FNDC1: variants seen among roughly 807,000 people sequenced by gnomAD.
The protein encoded by FNDC1 is fibronectin type III domain containing 1.
Under a neutral mutation model 168.0 loss-of-function variants are expected in FNDC1, and 96 were observed. The ratio of observed to expected loss-of-function variants is 0.57; its 90% CI spans 0.48 to 0.68. The LOEUF (loss-of-function observed/expected upper bound fraction) is 0.68. Ranked by LOEUF, FNDC1 falls within the 30% of genes least tolerant of loss-of-function variation. The probability of loss-of-function intolerance (pLI) is 0.00; values close to 1 mark genes in which losing one functional copy is unlikely to be tolerated. For synonymous variants in FNDC1, 1,099 were observed against 1,025.9 expected, an observed-to-expected ratio of 1.07 and a Z score of -1.36; for missense variants, 2,587 against 2,482.1, an observed-to-expected ratio of 1.04 and a Z score of -0.90.
chr6:159,181,252 G>A (rs1424607464), intron 1 of FNDC1, among the ~76,000 whole-genome samples: 3 of 152,112 alleles, frequency 2.0e-5, no homozygotes, highest in Non-Finnish European at 4.4e-5. Context: ...CTTTTCAGTA[G>A]GCAAAAGAGT....
chr6:159,217,111 A>G (rs1011765389), intron 5 of FNDC1, among the ~76,000 whole-genome samples: 1 of 152,224 alleles, frequency 6.6e-6, no homozygotes, highest in Non-Finnish European at 1.5e-5. Flanking sequence ...GCACCTACTT[A>G]GTCTTAAAAG....
rs367899713 is a variant in FNDC1, at chr6:159,232,329, C to A, written c.1817C>A (p.Thr606Lys). Reference protein sequence around the residue: ...GVDKPGFSLATQPRPGAPPSA... With the variant: ...GVDKPGFSLAKQPRPGAPPSA... ...GATAAGCCTGGCTTTTCCCTGGCCA[C>A]GCAGCCCCGCCCAGGGGCGCCCCCC... is the stretch of plus-strand genomic sequence containing the variant. Residue 606 changes from threonine (T) to lysine (K), a missense_variant, in exon 11 of 23, where the codon ACG becomes AAG. Transcript: ENST00000297267. The surrounding 1 kb of genome is among the most constrained non-coding windows in gnomAD (Gnocchi z 4.9). 6.2e-7 allele frequency: 1 copy of A among 1,613,270 alleles called. No individual in the cohort carries two copies. The highest frequency in any genetic ancestry group is 8.5e-7 in the Non-Finnish European group (1 of 1,179,652).
rs73799338 is a variant in FNDC1, at chr6:159,221,450, G to A, written c.668-148G>A. 7.7e-3 allele frequency: 4,961 copies of A among 640,714 alleles called. 213 individuals are homozygous for A. The African/African-American group carries it at 0.083, about 11-fold the overall frequency. 39.7% of individuals were successfully genotyped at this position (640,714 alleles called of 1,614,324 possible). A position where few individuals can be genotyped will look rare whatever the true frequency, so the allele number is the denominator to read the frequency against. ...GCAGTTCTTGGGCTCGCCCTTCATAGTCCTCAAGAAGTGGGAATACCCCCA... is the reference window on the plus strand; with the variant it reads ...GCAGTTCTTGGGCTCGCCCTTCATAATCCTCAAGAAGTGGGAATACCCCCA... On this transcript the variant is annotated intron_variant, in intron 5 of 22. Transcript: ENST00000297267.
chr6:159,256,112 A>G (rs1302229141), intron 17 of FNDC1, among the ~76,000 whole-genome samples: 3 of 152,188 alleles, frequency 2.0e-5, no homozygotes, highest in Non-Finnish European at 4.4e-5. Flanking sequence ...GCATCCACCA[A>G]CAACATTCTT....
chr6:159,233,513 G>A lies in FNDC1; in HGVS notation c.3001G>A (p.Ala1001Thr). ...TCCCAGAAGGATGACACCCGGCCGGGCCCCACAACAGCAGCCCCCTCCTCC... is the reference window on the plus strand; with the variant it reads ...TCCCAGAAGGATGACACCCGGCCGGACCCCACAACAGCAGCCCCCTCCTCC... ...SVPRRMTPGR[A>T]PQQQPPPPVA... The change falls in exon 11 of 23, where the codon GCC becomes ACC. Residue 1001 changes from alanine to threonine, a missense_variant. Transcript: ENST00000297267. The surrounding 1 kb of genome is among the most constrained non-coding windows in gnomAD (Gnocchi z 4.6). The A allele has an allele frequency of 6.2e-7, 1 of 1,602,326 alleles. No homozygotes were observed. Among genetic ancestry groups the A allele is most frequent in the Non-Finnish European group, 8.5e-7 (1 of 1,177,678 alleles).
chr6:159,194,239 G>T (rs1206279842), intron 1 of FNDC1, among the ~76,000 whole-genome samples: 1 of 152,174 alleles, frequency 6.6e-6, no homozygotes, highest in African/African-American at 2.4e-5. Flanking sequence ...AAAGCGTCTT[G>T]TCATGGCCCT....
intron 4 of FNDC1, among the ~76,000 whole-genome samples, chr6:159,205,926 C>A (rs1782477933): frequency 6.6e-6 from 1 of 152,086 alleles, no homozygotes; most frequent in African/African-American, 2.4e-5. Flanking sequence ...TAAAACACAC[C>A]AAAGGTACAC....
At chr6:159,226,111 T>C (rs1321051052) in intron 8 of FNDC1, among the ~76,000 whole-genome samples, 2 of 152,224 alleles carry the variant, frequency 1.3e-5, no homozygotes. Context: ...GGGAAAAATT[T>C]TGGTCTGTAT....
chr6:159,195,929 G>C (rs1388337363), intron 1 of FNDC1, among the ~76,000 whole-genome samples: 1 of 152,172 alleles, frequency 6.6e-6, no homozygotes, highest in Non-Finnish European at 1.5e-5. Context: ...TCAACCATGA[G>C]CTTCCATTTG....
chr6:159,209,867 T>C (rs1782562512), intron 4 of FNDC1, among the ~76,000 whole-genome samples: 1 of 152,218 alleles, frequency 6.6e-6, no homozygotes, highest in South Asian at 2.1e-4. Flanking sequence ...AAGAGTTTAC[T>C]GACTGCAGGG....
Position 159,221,269 on chromosome 6 carries a change from T to C in FNDC1, c.668-329T>C, listed in dbSNP as rs563002288. 2.7e-4 allele frequency among the ~76,000 whole-genome samples: 41 copies of C among 152,382 alleles called. No individual in the cohort carries two copies. The South Asian group carries it at 8.5e-3, about 32-fold the overall frequency. On this transcript the variant is annotated intron_variant, in intron 5 of 22. Transcript: ENST00000297267. ...ATTATGTGGGTAAACGTGTTATTCT[T>C]TTCTTTTTTAAAGCATTTATCTCTT... is the stretch of plus-strand genomic sequence containing the variant.
At chr6:159,185,246 A>G (rs1219875226) in intron 1 of FNDC1, among the ~76,000 whole-genome samples, 1 of 152,226 alleles carries the variant, frequency 6.6e-6, no homozygotes, top group East Asian at 1.9e-4. Context: ...GTAATTACTC[A>G]AGTCAATGGC....
chr6:159,176,665 C>A (rs1252489527), intron 1 of FNDC1, among the ~76,000 whole-genome samples: 1 of 152,102 alleles, frequency 6.6e-6, no homozygotes, highest in Middle Eastern at 3.2e-3. Context: ...TAGGAGGCAC[C>A]CAGCTCAGGA....
chr6:159,257,157 C>G (rs1439703465), intron 18 of FNDC1, among the ~76,000 whole-genome samples: 1 of 152,202 alleles, frequency 6.6e-6, no homozygotes, highest in Admixed American at 6.5e-5. Context: ...TTGCCCTTGG[C>G]ATGAAATAGG....
At chr6:159,268,642 C>T (rs575525831) in intron 22 of FNDC1, among the ~76,000 whole-genome samples, 2 of 152,062 alleles carry the variant, frequency 1.3e-5, no homozygotes, top group Admixed American at 6.5e-5. Flanking sequence ...ATCTATCCAT[C>T]TATGTATGTA....
At chr6:159,210,299 A>G (rs563533859) in intron 4 of FNDC1, among the ~76,000 whole-genome samples, 36 of 152,244 alleles carry the variant, frequency 2.4e-4, no homozygotes, top group African/African-American at 8.2e-4. Context: ...AGCTAGGGCT[A>G]CCGATCCGAC....
In FNDC1 at chr6:159,256,558, A is replaced by G. The variant is rs964259291; in HGVS notation, c.5101A>G (p.Ile1701Val). ...LVYSASYEDF[I>V]RNKWSTQASS... Reference sequence around the variant, plus strand: ...TTACAGTGCATCCTATGAAGACTTCATCAGGAACAAGTGGTCCACTCAAGC... The same window carrying G: ...TTACAGTGCATCCTATGAAGACTTCGTCAGGAACAAGTGGTCCACTCAAGC... The change falls in exon 18 of 23, where the codon ATC (isoleucine) becomes GTC (valine). Residue 1701 changes from isoleucine to valine, a missense_variant. Transcript: ENST00000297267. 3.1e-6 allele frequency: 5 copies of G among 1,613,866 alleles called. No homozygotes were observed. The African/African-American group carries it at 6.7e-5, about 22-fold the overall frequency.
At chr6:159,230,853 A>G (rs1783067472) in intron 10 of FNDC1, among the ~76,000 whole-genome samples, 1 of 152,222 alleles carries the variant, frequency 6.6e-6, no homozygotes, top group Admixed American at 6.5e-5. Flanking sequence ...TCTCACTGCA[A>G]TATAGGTTCC....
At chr6:159,220,433 C>G (rs1256866643) in intron 5 of FNDC1, among the ~76,000 whole-genome samples, 2 of 152,166 alleles carry the variant, frequency 1.3e-5, no homozygotes, top group African/African-American at 4.8e-5. Context: ...CAGATCGCCT[C>G]ATTTTTATTC....
Sources: gnomAD v4.1 joint callset for allele counts (sites outside exome capture counted in the v4.1 genomes callset) on GRCh38, gnomAD v4.1.1 for gene constraint, Gnocchi (gnomAD v3.1) non-coding constraint, MANE v1.5 for transcripts, NCBI Gene and HGNC (gene_info 2026-07-23, HGNC 2026-07-21) for gene names.